The following GABRB1 variants were observed in gnomAD, a reference collection of about 807,000 sequenced individuals.
The protein encoded by GABRB1 is gamma-aminobutyric acid type A receptor subunit beta1, also known as gamma-aminobutyric acid receptor subunit beta-1.
A neutral mutation model predicts 51.6 loss-of-function variants in GABRB1; 17 were observed. The ratio of observed to expected loss-of-function variants is 0.33; its 90% CI spans 0.23 to 0.49. The LOEUF is 0.49. Ranked by LOEUF, GABRB1 falls within the 20% of genes least tolerant of loss-of-function variation. The pLI is 0.99. For missense variants in GABRB1, 410 were observed against 600.6 expected (o/e 0.68, Z 3.32); for synonymous variants, 247 against 218.9 (o/e 1.13, Z -1.14).
chr4:47,256,293 T>C (rs1432346693), intron 4 of GABRB1, among the ~76,000 whole-genome samples: 1 of 152,226 alleles, frequency 6.6e-6, no homozygotes, highest in Non-Finnish European at 1.5e-5. Flanking sequence ...TAGTTTTGAA[T>C]TATTTCATAT....
At chr4:47,425,641 A>G in intron 8 of GABRB1, 33 bp from the exon 9 acceptor site, 1 of 1,517,802 alleles carries the variant, frequency 6.6e-7, no homozygotes, top group Non-Finnish European at 8.9e-7. Context: ...AGGTCCTGCA[A>G]CTTGTGTCCG....
At chr4:47,377,925 C>T (rs958545541) in intron 5 of GABRB1, among the ~76,000 whole-genome samples, 26 of 152,240 alleles carry the variant, frequency 1.7e-4, no homozygotes, top group Admixed American at 1.1e-3. Context: ...AATCCCTGAG[C>T]TAGACATAAA....
chr4:47,301,419 T>C (rs1724255577), intron 4 of GABRB1, among the ~76,000 whole-genome samples: 2 of 152,070 alleles, frequency 1.3e-5, no homozygotes, highest in Non-Finnish European at 2.9e-5. Context: ...GGAAGATTGC[T>C]TGAACCCAGG....
At chr4:47,340,322 T>A (rs1725836442) in intron 5 of GABRB1, among the ~76,000 whole-genome samples, 1 of 152,102 alleles carries the variant, frequency 6.6e-6, no homozygotes, top group Non-Finnish European at 1.5e-5. Context: ...TTTGTGAATC[T>A]CACATCAGCC....
At chr4:47,419,855 C>G (rs137876902) in intron 8 of GABRB1, among the ~76,000 whole-genome samples, 10 of 152,230 alleles carry the variant, frequency 6.6e-5, no homozygotes, top group Non-Finnish European at 1.3e-4. Flanking sequence ...TGAAATATTG[C>G]CAAGCCCTTG....
intron 3 of GABRB1, among the ~76,000 whole-genome samples, chr4:47,054,152 T>G (rs1577864374): frequency 2.8e-5 from 1 of 35,680 alleles, no homozygotes; most frequent in Non-Finnish European, 6.8e-5. Flanking sequence ...ATTTACCAAG[T>G]TTTTTTTTTC....
chr4:47,083,349 G>A (rs1310137567), intron 3 of GABRB1, among the ~76,000 whole-genome samples: 1 of 152,072 alleles, frequency 6.6e-6, no homozygotes, highest in Non-Finnish European at 1.5e-5. Context: ...TTACACATGT[G>A]CATGCACACA....
rs1729100335 is a variant in GABRB1 at position 47,421,859 on chromosome 4, G to A, written c.1081-3815G>A. Among the ~76,000 whole-genome samples the A allele has an allele frequency of 2.6e-5, 4 of 152,060 alleles. No homozygotes were observed. The South Asian group carries it at 8.3e-4, about 32-fold the overall frequency. ...CTCTAAGGAGGTAATGATCTCTTATGGACAAAATTCATATTTTGTGATTAT... is the reference window on the plus strand; with the variant it reads ...CTCTAAGGAGGTAATGATCTCTTATAGACAAAATTCATATTTTGTGATTAT... On this transcript the variant is annotated intron_variant, in intron 8 of 8. Coordinates refer to ENST00000295454, the MANE Select transcript of GABRB1 (RefSeq NM_000812.4).
intron 3 of GABRB1, among the ~76,000 whole-genome samples, chr4:47,115,566 G>C (rs1298028847): frequency 2.6e-5 from 4 of 151,304 alleles, no homozygotes; most frequent in Admixed American, 2.0e-4. Context: ...TAAATCATGG[G>C]GAATTAACTT....
intron 3 of GABRB1, among the ~76,000 whole-genome samples, chr4:47,117,376 C>G (rs1017691476): frequency 6.6e-5 from 10 of 152,148 alleles, no homozygotes. Context: ...AATCTGGATG[C>G]CTTCTTCAGC....
chr4:47,319,550 G>T (rs151238197), intron 4 of GABRB1, among the ~76,000 whole-genome samples: 3 of 152,068 alleles, frequency 2.0e-5, no homozygotes, highest in South Asian at 4.2e-4. Context: ...ACTGGGTCAT[G>T]GTGTATATTG....
intron 4 of GABRB1, among the ~76,000 whole-genome samples, chr4:47,286,941 C>T (rs1184119559): frequency 2.0e-5 from 3 of 152,186 alleles, no homozygotes; most frequent in African/African-American, 4.8e-5. Context: ...ATTCTGACCC[C>T]GCATGTGCTC....
At chr4:47,047,804 T>C (rs1455172150) in intron 3 of GABRB1, among the ~76,000 whole-genome samples, 1 of 152,148 alleles carries the variant, frequency 6.6e-6, no homozygotes, top group African/African-American at 2.4e-5. Context: ...AAAGTGTTAT[T>C]AATCAGAAAC....
chr4:47,077,867 ATATAT>A (rs1727627068), intron 3 of GABRB1, among the ~76,000 whole-genome samples: 1 of 140,378 alleles, frequency 7.1e-6, no homozygotes, highest in Non-Finnish European at 1.5e-5. Context: ...TATATTTTAT[ATATAT>A]TATATGTATT....
intron 8 of GABRB1, among the ~76,000 whole-genome samples, chr4:47,424,837 T>A (rs2110069987): frequency 6.6e-6 from 1 of 152,278 alleles, no homozygotes; most frequent in Admixed American, 6.5e-5. Flanking sequence ...AAAGACTGTG[T>A]GGGCATAGCA....
intron 5 of GABRB1, among the ~76,000 whole-genome samples, chr4:47,374,688 A>G (rs139022549): frequency 2.6e-3 from 389 of 152,342 alleles, no homozygotes; most frequent in African/African-American, 9.1e-3. Context: ...TAAGAGTAAT[A>G]AAAGTGATTG....
intron 5 of GABRB1, among the ~76,000 whole-genome samples, chr4:47,354,931 GCCTGCCTGCCTT>G (rs1346659791): frequency 3.5e-4 from 17 of 48,388 alleles, no homozygotes; most frequent in African/African-American, 1.3e-3. Context: ...CTGCCTGCCT[GCCTGCCTGCCTT>G]CCTTTCTCTC....
intron 3 of GABRB1, 114 bp downstream of exon 3, chr4:47,032,598 C>G (rs750496436): frequency 1.2e-5 from 12 of 972,434 alleles, no homozygotes; most frequent in Non-Finnish European, 2.0e-5. Context: ...CCCTGAGGTC[C>G]CACTCCGCAC....
chr4:47,127,764 A>G (rs1716224026), intron 3 of GABRB1, among the ~76,000 whole-genome samples: 1 of 151,900 alleles, frequency 6.6e-6, no homozygotes, highest in Non-Finnish European at 1.5e-5. Flanking sequence ...GTCTCCAGTT[A>G]CTTAACCTAT....
Sources: allele counts gnomAD v4.1 joint callset (sites outside exome capture counted in the v4.1 genomes callset), GRCh38; gene constraint gnomAD v4.1.1; transcripts MANE v1.5; gene names NCBI Gene and HGNC (gene_info 2026-07-23, HGNC 2026-07-21).